NRG3: variants seen among roughly 807,000 people sequenced by gnomAD.
The protein encoded by NRG3 is pro-neuregulin-3, membrane-bound isoform.
Under a neutral mutation model 66.9 loss-of-function variants are expected in NRG3, and 31 were observed. The ratio of observed to expected loss-of-function variants is 0.46; its 90% confidence interval spans 0.35 to 0.63. The LOEUF is 0.63. Among genes scored for constraint, NRG3 ranks in the 20% least tolerant of loss-of-function variants. The pLI is 0.00. For missense variants in NRG3, 910 were observed against 878.9 expected (o/e 1.04, Z -0.45); for synonymous variants, 393 against 359.4 (o/e 1.09, Z -1.06).
intron 1 of NRG3, among the ~76,000 whole-genome samples, chr10:82,225,950 A>G (rs1030113904): frequency 2.6e-5 from 4 of 152,098 alleles, no homozygotes; most frequent in African/African-American, 7.2e-5. Flanking sequence ...CGTTTCTTCT[A>G]CGTTATTAAT....
chr10:82,511,718 A>G (rs1845181822), intron 2 of NRG3, among the ~76,000 whole-genome samples: 1 of 152,210 alleles, frequency 6.6e-6, no homozygotes, highest in Non-Finnish European at 1.5e-5. Flanking sequence ...GGACAGAACA[A>G]ATCCTTCACG....
chr10:82,270,491 C>G (rs2078536220), intron 1 of NRG3, among the ~76,000 whole-genome samples: 1 of 152,068 alleles, frequency 6.6e-6, no homozygotes, highest in East Asian at 1.9e-4. Flanking sequence ...GATATGGAAT[C>G]TATGTTTTTG....
chr10:82,030,381 G>T (rs1203254474), intron 1 of NRG3, among the ~76,000 whole-genome samples: 1 of 152,096 alleles, frequency 6.6e-6, no homozygotes, highest in Non-Finnish European at 1.5e-5. Flanking sequence ...TCAGGAAACA[G>T]ACGTAACACA....
intron 2 of NRG3, among the ~76,000 whole-genome samples, chr10:82,484,547 G>C (rs1459592644): frequency 6.6e-6 from 1 of 152,106 alleles, no homozygotes; most frequent in Non-Finnish European, 1.5e-5. Context: ...AAAAATTCTT[G>C]TCTGTTTGTC....
intron 2 of NRG3, among the ~76,000 whole-genome samples, chr10:82,394,336 G>A (rs1214452408): frequency 6.6e-6 from 1 of 152,202 alleles, no homozygotes; most frequent in Non-Finnish European, 1.5e-5. Flanking sequence ...CTCCTCCCTA[G>A]GCAGGCTGCC....
At position 82,898,717 on chromosome 10, in the gene NRG3, T is replaced by TC. The variant is rs34252044; in HGVS notation, c.1054+33280_1054+33281insC. Among the ~76,000 whole-genome samples the TC allele has an allele frequency of 2.4e-3, 168 of 69,686 alleles. 1 individual carries two copies. The highest frequency in any genetic ancestry group is 6.9e-3 in the Middle Eastern group (1 of 144). The allele number at this position is 69,686 out of a possible 152,430, so 45.7% of individuals were successfully genotyped here. A position where few individuals can be genotyped will look rare whatever the true frequency, so the allele number is the denominator to read the frequency against. On this transcript the variant is annotated intron_variant, in intron 4 of 8. Transcript: ENST00000372141. ...GAATAGAAGGCCAGGAGTTTTACCTTTTTTTTTTTTTTTTTTTTTTTTGAG... is the reference window on the plus strand; with the variant it reads ...GAATAGAAGGCCAGGAGTTTTACCTTCTTTTTTTTTTTTTTTTTTTTTTGAG...
At chr10:82,200,228 T>G (rs1006629697) in intron 1 of NRG3, among the ~76,000 whole-genome samples, 4 of 152,144 alleles carry the variant, frequency 2.6e-5, no homozygotes, top group African/African-American at 4.8e-5. Flanking sequence ...ATTGGTGTTG[T>G]TGTTGAGGTA....
intron 6 of NRG3, among the ~76,000 whole-genome samples, chr10:82,967,726 A>G (rs1030068333): frequency 6.6e-6 from 1 of 152,202 alleles, no homozygotes; most frequent in Admixed American, 6.5e-5. Context: ...ATTGTTATTG[A>G]GAATGCTCTG....
At chr10:82,434,937 A>G (rs1278819977) in intron 2 of NRG3, among the ~76,000 whole-genome samples, 1 of 152,096 alleles carries the variant, frequency 6.6e-6, no homozygotes, top group Non-Finnish European at 1.5e-5. Context: ...CGGTTTTGGT[A>G]TCAGGATGAT....
intron 3 of NRG3, among the ~76,000 whole-genome samples, chr10:82,779,184 C>T (rs1414864969): frequency 6.6e-6 from 1 of 152,104 alleles, no homozygotes; most frequent in Non-Finnish European, 1.5e-5. Flanking sequence ...AGGAAACACC[C>T]TAAGCTGGGC....
intron 1 of NRG3, among the ~76,000 whole-genome samples, chr10:82,306,526 A>AC (rs1274959595): frequency 6.6e-6 from 1 of 151,068 alleles, no homozygotes; most frequent in Non-Finnish European, 1.5e-5. Context: ...ATACGGTGAA[A>AC]CCCGTCTCTA....
intron 4 of NRG3, among the ~76,000 whole-genome samples, chr10:82,883,905 T>G (rs1842500079): frequency 6.6e-6 from 1 of 151,906 alleles, no homozygotes; most frequent in African/African-American, 2.4e-5. Context: ...GAGTTGTGTC[T>G]CTCTCCAGGA....
chr10:82,117,002 G>T (rs1490521850), intron 1 of NRG3, among the ~76,000 whole-genome samples: 1 of 152,086 alleles, frequency 6.6e-6, no homozygotes, highest in East Asian at 1.9e-4. Flanking sequence ...CTGCTGACTG[G>T]CCCCCAATGC....
chr10:82,317,203 ATTT>A (rs557938157), intron 1 of NRG3, among the ~76,000 whole-genome samples: 1 of 142,538 alleles, frequency 7.0e-6, no homozygotes, highest in Non-Finnish European at 1.5e-5. Context: ...GGTAGAATAG[ATTT>A]TTTTTTTTTT....
At chr10:82,911,733 C>T (rs1845339293) in intron 4 of NRG3, among the ~76,000 whole-genome samples, 1 of 151,488 alleles carries the variant, frequency 6.6e-6, no homozygotes, top group African/African-American at 2.4e-5. Flanking sequence ...TTCCTGTTTT[C>T]AATTTCATTG....
At chr10:82,430,800 A>G (rs554628764) in intron 2 of NRG3, among the ~76,000 whole-genome samples, 6 of 152,236 alleles carry the variant, frequency 3.9e-5, no homozygotes, top group Admixed American at 1.3e-4. Context: ...ATTTCCTTCA[A>G]TCACTTCAAT....
intron 3 of NRG3, among the ~76,000 whole-genome samples, chr10:82,758,100 A>G (rs189706015): frequency 6.6e-6 from 1 of 152,182 alleles, no homozygotes; most frequent in Non-Finnish European, 1.5e-5. Context: ...TTGATTTACT[A>G]CAGTTGAGGT....
intron 1 of NRG3, among the ~76,000 whole-genome samples, chr10:82,214,862 G>T (rs1049860292): frequency 6.6e-6 from 1 of 152,128 alleles, no homozygotes; most frequent in Non-Finnish European, 1.5e-5. Flanking sequence ...TCAGATGCTA[G>T]TCTGAACAAA....
At chr10:82,505,205 G>C (rs893749531) in intron 2 of NRG3, among the ~76,000 whole-genome samples, 1 of 152,182 alleles carries the variant, frequency 6.6e-6, no homozygotes, top group Non-Finnish European at 1.5e-5. Flanking sequence ...ATGAAACTGA[G>C]AGCAACTAAT....
Sources: gnomAD v4.1 joint callset for allele counts (sites outside exome capture counted in the v4.1 genomes callset) on GRCh38, gnomAD v4.1.1 for gene constraint, MANE v1.5 for transcripts, NCBI Gene and HGNC (gene_info 2026-07-23, HGNC 2026-07-21) for gene names.